Variants in CHN2 observed in about 807,000 individuals in gnomAD.
The protein encoded by CHN2 is beta-chimaerin.
A neutral mutation model predicts 56.3 loss-of-function variants in CHN2; 35 were observed. The observed-to-expected ratio is 0.62, with a 90% CI of 0.47 to 0.82. The LOEUF (loss-of-function observed/expected upper bound fraction) is 0.82. CHN2 is among the 40% of genes least tolerant of loss of function. The pLI is 0.00. For synonymous variants in CHN2, 210 were observed against 212.8 expected, an observed-to-expected ratio of 0.99 and a Z score of 0.12; for missense variants, 491 against 580.5, an observed-to-expected ratio of 0.85 and a Z score of 1.58.
chr7:29,443,556 T>C (rs1383091919), intron 6 of CHN2, among the ~76,000 whole-genome samples: 1 of 152,246 alleles, frequency 6.6e-6, no homozygotes, highest in African/African-American at 2.4e-5. Flanking sequence ...TCTGTCATCA[T>C]AGGTTCTACT....
chr7:29,483,859 A>G, intron 7 of CHN2: 1 of 1,300,194 alleles, frequency 7.7e-7, no homozygotes, highest in Non-Finnish European at 1.0e-6. Flanking sequence ...TCCTGGCCAC[A>G]CCATGTTCTT....
intron 3 of CHN2, among the ~76,000 whole-genome samples, chr7:29,377,212 C>T (rs181681993): frequency 1.3e-5 from 2 of 152,134 alleles, no homozygotes; most frequent in East Asian, 3.9e-4. Flanking sequence ...TTAGTAGAGA[C>T]GGGGTTTCAC....
At chr7:29,179,502 A>G (rs1797797892) in intron 2 of CHN2, among the ~76,000 whole-genome samples, 3 of 152,240 alleles carry the variant, frequency 2.0e-5, no homozygotes, top group South Asian at 4.1e-4. Context: ...CTCAACACAA[A>G]TTCTTCAGGA....
intron 6 of CHN2, among the ~76,000 whole-genome samples, chr7:29,466,909 A>C (rs987113162): frequency 6.6e-6 from 1 of 152,202 alleles, no homozygotes; most frequent in African/African-American, 2.4e-5. Context: ...TAATATAATT[A>C]AAGAAGTTTT....
intron 1 of CHN2, among the ~76,000 whole-genome samples, chr7:29,226,656 AT>A (rs1407466264): frequency 6.6e-6 from 1 of 152,212 alleles, no homozygotes; most frequent in South Asian, 2.1e-4. Flanking sequence ...CATTTATACA[AT>A]CAGAGTCAAA....
chr7:29,319,687 C>T (rs1795203010), intron 1 of CHN2, among the ~76,000 whole-genome samples: 1 of 152,202 alleles, frequency 6.6e-6, no homozygotes, highest in African/African-American at 2.4e-5. Flanking sequence ...GCCTCCATTT[C>T]CACAAAGCTA....
chr7:29,264,691 C>T (rs1789969801), intron 1 of CHN2, among the ~76,000 whole-genome samples: 2 of 152,126 alleles, frequency 1.3e-5, no homozygotes. Flanking sequence ...CGGCAGGGCC[C>T]TCTGCCTGGG....
chr7:29,153,070 G>C (rs245894), intron 2 of CHN2, among the ~76,000 whole-genome samples: 85,389 of 152,114 alleles, frequency 0.56, 24,819 homozygotes, highest in African/African-American at 0.72. Flanking sequence ...CCACCATGTT[G>C]TAGCACAGAA....
intron 1 of CHN2, among the ~76,000 whole-genome samples, chr7:29,254,930 T>C (rs1788948580): frequency 6.6e-6 from 1 of 152,190 alleles, no homozygotes; most frequent in Non-Finnish European, 1.5e-5. Flanking sequence ...AGCAACACCC[T>C]GTCTAGCACA....
chr7:29,386,108 A>G (rs1374519871), intron 3 of CHN2, among the ~76,000 whole-genome samples: 2 of 152,184 alleles, frequency 1.3e-5, no homozygotes, highest in East Asian at 3.9e-4. Context: ...TGCCATGAGG[A>G]AAAAATTAGG....
chr7:29,270,146 T>C lies in CHN2; in HGVS notation c.49+75156T>C, dbSNP rs113670356. On this transcript the variant is annotated intron_variant, in intron 1 of 12. Transcript: ENST00000222792. ...AATAGCTGTCAATTGTTGAACACTT[T>C]CTCCATGCCAGGCATTGAGCTAAAT... is the stretch of plus-strand genomic sequence containing the variant. Among the ~76,000 whole-genome samples, 14 of 152,304 alleles carry C rather than the reference T, an allele frequency of 9.2e-5. 1 individual carries two copies. The highest frequency in any genetic ancestry group is 3.4e-3 in the Middle Eastern group (1 of 294).
intron 10 of CHN2, among the ~76,000 whole-genome samples, chr7:29,506,076 T>C (rs1027257029): frequency 6.6e-6 from 1 of 152,192 alleles, no homozygotes; most frequent in Admixed American, 6.5e-5. Context: ...ATCTAAAAAA[T>C]GTCATAGTCT....
chr7:29,480,131 G>C (rs1249907602), intron 6 of CHN2, 148 bp from the exon 7 acceptor site: 2 of 1,557,738 alleles, frequency 1.3e-6, no homozygotes, highest in Non-Finnish European at 1.7e-6. Flanking sequence ...AAGAACTGTG[G>C]CTGGAAAATG....
chr7:29,452,288 G>A (rs949026250), intron 6 of CHN2, among the ~76,000 whole-genome samples: 3 of 152,172 alleles, frequency 2.0e-5, no homozygotes, highest in Non-Finnish European at 2.9e-5. Flanking sequence ...TCTCCTGGGT[G>A]AGGACACAAT....
At chr7:29,445,882 G>A (rs1295742471) in intron 6 of CHN2, among the ~76,000 whole-genome samples, 1 of 152,008 alleles carries the variant, frequency 6.6e-6, no homozygotes, top group Non-Finnish European at 1.5e-5. Flanking sequence ...AGAAATTTAG[G>A]TCTCCAATTA....
chr7:29,252,382 G>A (rs151021275), intron 1 of CHN2, among the ~76,000 whole-genome samples: 5 of 150,682 alleles, frequency 3.3e-5, no homozygotes, highest in South Asian at 4.2e-4. Flanking sequence ...TAGAGATGGA[G>A]TTTCACCGTG....
chr7:29,298,335 C>G (rs541343270), intron 1 of CHN2, among the ~76,000 whole-genome samples: 2 of 152,250 alleles, frequency 1.3e-5, no homozygotes, highest in Admixed American at 6.5e-5. Flanking sequence ...CCCGTCCCCC[C>G]TCCCCCGCGA....
intron 1 of CHN2, among the ~76,000 whole-genome samples, chr7:29,218,798 T>G (rs1785538682): frequency 1.6e-5 from 2 of 127,028 alleles, no homozygotes; most frequent in Admixed American, 1.0e-4. Flanking sequence ...CACCAGGGAC[T>G]GTTGTGGGGT....
At chr7:29,502,760 A>C (rs6967555) in intron 9 of CHN2, among the ~76,000 whole-genome samples, 115,219 of 151,282 alleles carry the variant, frequency 0.76, 44,310 homozygotes, top group African/African-American at 0.85. Flanking sequence ...TTTAAAAGTG[A>C]CGGGATACAT....
Sources: gnomAD v4.1 joint callset for allele counts (sites outside exome capture counted in the v4.1 genomes callset) on GRCh38, gnomAD v4.1.1 for gene constraint, MANE v1.5 for transcripts, NCBI Gene and HGNC (gene_info 2026-07-23, HGNC 2026-07-21) for gene names.